The following POU2F1 variants were observed in gnomAD, a reference collection of about 807,000 sequenced individuals.
POU2F1 encodes POU class 2 homeobox 1.
In POU2F1, 16 loss-of-function variants were observed where a neutral mutation model predicts 84.9. The observed-to-expected ratio is 0.19, with a 90% CI of 0.13 to 0.29. The LOEUF (loss-of-function observed/expected upper bound fraction) is 0.29. Among genes scored for constraint, POU2F1 ranks in the 10% least tolerant of loss-of-function variants. The pLI is 1.00. For synonymous variants in POU2F1, 368 were observed against 368.3 expected (o/e 1.00, Z 0.01); for missense variants, 738 against 942.6 (o/e 0.78, Z 2.84).
chr1:167,339,193 C>G (rs1029191925), intron 2 of POU2F1, among the ~76,000 whole-genome samples: 1 of 152,132 alleles, frequency 6.6e-6, no homozygotes, highest in African/African-American at 2.4e-5. Flanking sequence ...TCCCCTCAAC[C>G]CTGCTTCCAT....
At chr1:167,399,808 G>A (rs1474291734) in intron 12 of POU2F1, among the ~76,000 whole-genome samples, 1 of 150,878 alleles carries the variant, frequency 6.6e-6, no homozygotes, top group Non-Finnish European at 1.5e-5. Flanking sequence ...CGAGTAGCTG[G>A]GATTATAGAC....
chr1:167,384,716 AG>A (rs1245044695), intron 8 of POU2F1, among the ~76,000 whole-genome samples: 3 of 151,936 alleles, frequency 2.0e-5, no homozygotes, highest in Admixed American at 1.3e-4. Flanking sequence ...GCATGTATTA[AG>A]AAAAAAAAAA....
intron 1 of POU2F1, among the ~76,000 whole-genome samples, chr1:167,303,931 G>GT (rs571131601): frequency 7.9e-5 from 12 of 152,116 alleles, no homozygotes; most frequent in Non-Finnish European, 1.8e-4. Context: ...CTGTATGATA[G>GT]TTTAATAGAA....
chr1:167,291,149 A>C (rs1571238387), intron 1 of POU2F1, among the ~76,000 whole-genome samples: 1 of 152,240 alleles, frequency 6.6e-6, no homozygotes, highest in Admixed American at 6.5e-5. Context: ...TAAGAATCAG[A>C]AAATGGATCT....
chr1:167,243,313 A>G (rs1169099884), intron 1 of POU2F1, among the ~76,000 whole-genome samples: 2 of 152,318 alleles, frequency 1.3e-5, no homozygotes. Flanking sequence ...GCCCTTCCTC[A>G]TGTAGCTGTG....
chr1:167,330,571 A>G (rs1437561992), intron 1 of POU2F1, among the ~76,000 whole-genome samples: 1 of 152,150 alleles, frequency 6.6e-6, no homozygotes, highest in Non-Finnish European at 1.5e-5. Flanking sequence ...GTTAATAGTA[A>G]GTATTATTTA....
intron 1 of POU2F1, among the ~76,000 whole-genome samples, chr1:167,308,059 T>A (rs1174838502): frequency 6.6e-6 from 1 of 151,930 alleles, no homozygotes; most frequent in Non-Finnish European, 1.5e-5. Context: ...GTGCAAAATT[T>A]TTATTTGTTT....
chr1:167,345,682 G>A (rs971996878), intron 2 of POU2F1, among the ~76,000 whole-genome samples: 1 of 152,078 alleles, frequency 6.6e-6, no homozygotes, highest in African/African-American at 2.4e-5. Context: ...GATGGAGCAA[G>A]GTCAATGTTT....
At chr1:167,399,788 C>G (rs1649063679) in intron 12 of POU2F1, among the ~76,000 whole-genome samples, 1 of 151,224 alleles carries the variant, frequency 6.6e-6, no homozygotes, top group Non-Finnish European at 1.5e-5. Context: ...ATTCTTGTGC[C>G]TTGGCCTCCC....
chr1:167,386,293 C>T (rs1486686311), intron 8 of POU2F1, among the ~76,000 whole-genome samples: 1 of 152,194 alleles, frequency 6.6e-6, no homozygotes, highest in African/African-American at 2.4e-5. Flanking sequence ...CTCCCAAGCT[C>T]AAGCAATCCT....
intron 1 of POU2F1, among the ~76,000 whole-genome samples, chr1:167,228,708 A>AT (rs1479044847): frequency 6.6e-6 from 1 of 152,200 alleles, no homozygotes; most frequent in East Asian, 1.9e-4. Flanking sequence ...TAGTAGATCA[A>AT]TTTTTTGTCC....
chr1:167,337,315 C>A (rs888746892), intron 2 of POU2F1, among the ~76,000 whole-genome samples: 1 of 151,498 alleles, frequency 6.6e-6, no homozygotes, highest in African/African-American at 2.4e-5. Context: ...GACAGTGAGA[C>A]CTTGTCTCAA....
chr1:167,292,029 G>C (rs573773177), intron 1 of POU2F1, among the ~76,000 whole-genome samples: 15 of 144,068 alleles, frequency 1.0e-4, no homozygotes, highest in Non-Finnish European at 1.8e-4. Flanking sequence ...AAATCTGTGC[G>C]TGTGTGTGTG....
At chr1:167,249,407 G>T (rs535150472) in intron 1 of POU2F1, among the ~76,000 whole-genome samples, 14 of 152,344 alleles carry the variant, frequency 9.2e-5, no homozygotes, top group African/African-American at 3.1e-4. Context: ...AGGCAGTGTA[G>T]GGTTATGCCT....
chr1:167,363,030 A>T (rs1180374868), intron 2 of POU2F1, among the ~76,000 whole-genome samples: 1 of 152,106 alleles, frequency 6.6e-6, no homozygotes, highest in Non-Finnish European at 1.5e-5. Flanking sequence ...CAATACAGAG[A>T]CCATGCCTTC....
Position 167,416,598 on chromosome 1 carries a change from C to T in POU2F1, c.*788C>T, listed in dbSNP as rs1571479250. Reference sequence around the variant, plus strand: ...GCTAGAAAATTATTTTCTTTTGCCACTTATGCAAGAGGCTTGGTGCAGAAG... The same window carrying T: ...GCTAGAAAATTATTTTCTTTTGCCATTTATGCAAGAGGCTTGGTGCAGAAG... On this transcript the variant is annotated 3_prime_UTR_variant, in exon 16 of 16. Transcript: ENST00000367866. 2 of 153,110 alleles carry T rather than the reference C, an allele frequency of 1.3e-5. No homozygotes were observed. The highest frequency in any genetic ancestry group is 6.5e-5 in the Admixed American group (1 of 15,316). The allele number at this position is 153,110 out of a possible 1,614,324, so 9.5% of individuals were successfully genotyped here.
intron 15 of POU2F1, 133 bp downstream of exon 15, chr1:167,413,247 T>C (rs1183000517): frequency 1.8e-5 from 14 of 771,172 alleles, no homozygotes; most frequent in Non-Finnish European, 2.9e-5. Flanking sequence ...TGGGAAAGAG[T>C]CAAATGCTGA....
chr1:167,261,106 A>G (rs1312053747), intron 1 of POU2F1, among the ~76,000 whole-genome samples: 1 of 152,174 alleles, frequency 6.6e-6, no homozygotes, highest in Non-Finnish European at 1.5e-5. Context: ...AAACATTTGA[A>G]TAGGAGAGTG....
intron 1 of POU2F1, among the ~76,000 whole-genome samples, chr1:167,275,343 T>C (rs1197417695): frequency 1.3e-5 from 2 of 152,060 alleles, no homozygotes; most frequent in East Asian, 3.8e-4. Flanking sequence ...TTATTGATAA[T>C]AGAACTATGA....
Sources: gnomAD v4.1 joint callset for allele counts (sites outside exome capture counted in the v4.1 genomes callset) on GRCh38, gnomAD v4.1.1 for gene constraint, MANE v1.5 for transcripts, NCBI Gene and HGNC (gene_info 2026-07-23, HGNC 2026-07-21) for gene names.